The following PCDHGA4 variants were observed in gnomAD, a reference collection of about 807,000 sequenced individuals.
The protein encoded by PCDHGA4 is protocadherin gamma-A4.
Under a neutral mutation model 54.6 loss-of-function variants are expected in PCDHGA4, and 38 were observed. The observed-to-expected ratio is 0.70, with a 90% confidence interval of 0.54 to 0.91. The LOEUF is 0.91. PCDHGA4 is among the 40% of genes least tolerant of loss of function. The pLI, the probability that PCDHGA4 is intolerant of heterozygous loss-of-function variation, is 0.00. For missense variants in PCDHGA4, 1,298 were observed against 1,220.9 expected, an observed-to-expected ratio of 1.06 and a Z score of -0.94; for synonymous variants, 511 against 512.9, an observed-to-expected ratio of 1.00 and a Z score of 0.05.
intron 1 of PCDHGA4, chr5:141,405,044 G>A (rs769617162): frequency 6.2e-7 from 1 of 1,613,938 alleles, no homozygotes; most frequent in Admixed American, 1.7e-5. Context: ...TGTGGCTGTG[G>A]CAGTCGTCTC....
At chr5:141,362,157 C>T (rs1762354661) in intron 1 of PCDHGA4, 4 of 1,614,036 alleles carry the variant, frequency 2.5e-6, no homozygotes, top group Non-Finnish European at 3.4e-6. Context: ...TATTGCCAGA[C>T]CTCAGCGACC....
intron 1 of PCDHGA4, among the ~76,000 whole-genome samples, chr5:141,484,369 G>A (rs1218433750): frequency 6.6e-6 from 1 of 152,164 alleles, no homozygotes; most frequent in Non-Finnish European, 1.5e-5. Flanking sequence ...TGTATCACTA[G>A]CAAATGTCTG....
intron 1 of PCDHGA4, among the ~76,000 whole-genome samples, chr5:141,450,047 C>T (rs2098667027): frequency 2.2e-5 from 3 of 136,836 alleles, no homozygotes; most frequent in African/African-American, 8.5e-5. Flanking sequence ...CACTCTTTCG[C>T]CCAGGCTGGA....
At chr5:141,447,197 T>C (rs1249080495) in intron 1 of PCDHGA4, among the ~76,000 whole-genome samples, 7 of 152,188 alleles carry the variant, frequency 4.6e-5, no homozygotes, top group Admixed American at 4.6e-4. Context: ...TGGAGTGCAA[T>C]GGCTTGATCT....
At chr5:141,510,134 C>T (rs1273076437) in intron 3 of PCDHGA4, among the ~76,000 whole-genome samples, 1 of 152,064 alleles carries the variant, frequency 6.6e-6, no homozygotes, top group East Asian at 1.9e-4. Context: ...ATTAGCTGGG[C>T]TAGTGGTGTG....
chr5:141,420,826 C>G (rs1246534925), intron 1 of PCDHGA4, among the ~76,000 whole-genome samples: 1 of 152,216 alleles, frequency 6.6e-6, no homozygotes, highest in Non-Finnish European at 1.5e-5. Flanking sequence ...AATAATTACT[C>G]CTTTCGCAGG....
intron 1 of PCDHGA4, chr5:141,372,605 T>A: frequency 6.2e-7 from 1 of 1,614,050 alleles, no homozygotes; most frequent in Non-Finnish European, 8.5e-7. Context: ...AGACTGTACC[T>A]GGAGTTCTCC....
chr5:141,371,305 T>C lies in PCDHGA4; in HGVS notation c.2514+13684T>C, dbSNP rs772021444. 1.8e-5 allele frequency: 29 copies of C among 1,613,822 alleles called. No individual in the cohort carries two copies. Among genetic ancestry groups the C allele is most frequent in the African/African-American group, 2.7e-5 (2 of 74,920 alleles). ...AGTAAAACGGGGGAACTCACCACTATTGGAGAACTGGACTTTGAAGAGAGA... is the reference window on the plus strand; with the variant it reads ...AGTAAAACGGGGGAACTCACCACTACTGGAGAACTGGACTTTGAAGAGAGA... On this transcript the variant is annotated intron_variant, in intron 1 of 3. Transcript: ENST00000571252.
intron 1 of PCDHGA4, chr5:141,389,425 C>T (rs1464186383): frequency 3.1e-6 from 5 of 1,613,500 alleles, no homozygotes; most frequent in Admixed American, 1.7e-5. Flanking sequence ...GTGGTGTTCG[C>T]GCAGCGCGCC....
At chr5:141,439,996 G>C (rs1156373511) in intron 1 of PCDHGA4, 1 of 153,262 alleles carries the variant, frequency 6.5e-6, no homozygotes, top group African/African-American at 2.4e-5. Flanking sequence ...GTTTGGTGGT[G>C]GGAAACCTTG....
intron 1 of PCDHGA4, chr5:141,375,151 T>A (rs1771184032): frequency 6.2e-7 from 1 of 1,613,844 alleles, no homozygotes; most frequent in African/African-American, 1.3e-5. Context: ...GCAGAACAAT[T>A]GCTGAAAGTG....
chr5:141,365,569 A>G, intron 1 of PCDHGA4: 1 of 1,613,722 alleles, frequency 6.2e-7, no homozygotes, highest in Non-Finnish European at 8.5e-7. Context: ...TGGACAGAGA[A>G]GAGACTTCAG....
At position 141,402,030 on chromosome 5, in the gene PCDHGA4, A is replaced by C. The variant is rs188760101; in HGVS notation, c.2514+44409A>C. On this transcript the variant is annotated intron_variant, in intron 1 of 3. Transcript: ENST00000571252. Reference sequence around the variant, plus strand: ...ATATGCATTTGAATCATTGAAACACAGTCTGTGCATGCATTACATATTCAC... The same window carrying C: ...ATATGCATTTGAATCATTGAAACACCGTCTGTGCATGCATTACATATTCAC... Among the ~76,000 whole-genome samples the C allele has an allele frequency of 1.4e-3, 213 of 152,348 alleles. 1 individual carries two copies. The highest frequency in any genetic ancestry group is 4.8e-3 in the African/African-American group (199 of 41,586).
At position 141,444,152 on chromosome 5, in the gene PCDHGA4, A is replaced by ATTTTTTTTTTT. The variant is rs747671382; in HGVS notation, c.2515-50629_2515-50619dup. 8.9e-5 allele frequency among the ~76,000 whole-genome samples: 3 copies of ATTTTTTTTTTT among 33,898 alleles called. 1 individual carries two copies. Among genetic ancestry groups the ATTTTTTTTTTT allele is most frequent in the African/African-American group, 4.2e-4 (3 of 7,184 alleles). 22.2% of individuals were successfully genotyped at this position (33,898 alleles called of 152,430 possible). On this transcript the variant is annotated intron_variant, in intron 1 of 3. Transcript: ENST00000571252. Reference sequence around the variant, plus strand: ...GATATGTGTCACTTGTGTGTACTGGATTTTTTTTTTTTTTTTTTTTTTTTT... The same window carrying ATTTTTTTTTTT: ...GATATGTGTCACTTGTGTGTACTGGATTTTTTTTTTTTTTTTTTTTTTTTTTTTTTTTTTTT...
chr5:141,425,119 T>G (rs1234720658), intron 1 of PCDHGA4, among the ~76,000 whole-genome samples: 1 of 152,220 alleles, frequency 6.6e-6, no homozygotes, highest in Non-Finnish European at 1.5e-5. Context: ...ACATTTTTCT[T>G]GAAGTCAAGA....
chr5:141,363,872 T>G (rs1338866734), intron 1 of PCDHGA4, among the ~76,000 whole-genome samples: 1 of 152,152 alleles, frequency 6.6e-6, no homozygotes, highest in African/African-American at 2.4e-5. Flanking sequence ...AAGAGGTAAA[T>G]AAAGGACATA....
At position 141,431,513 on chromosome 5, in the gene PCDHGA4, C is replaced by A. The variant is rs1468442248; in HGVS notation, c.2515-63294C>A. ...TCAGCCCGAGTACCGCGCGAGCGTT[C>A]CGGAGAATCTGGCCTTGGGCACGCA... is the stretch of plus-strand genomic sequence containing the variant. On this transcript the variant is annotated intron_variant, in intron 1 of 3. Transcript: ENST00000571252. The surrounding 1 kb of genome is among the most constrained non-coding windows in gnomAD (Gnocchi z 4.8). 1 of 1,614,022 alleles carries A rather than the reference C, an allele frequency of 6.2e-7. No individual in the cohort carries two copies. The highest frequency in any genetic ancestry group is 1.7e-5 in the Admixed American group (1 of 60,032).
intron 2 of PCDHGA4, among the ~76,000 whole-genome samples, chr5:141,496,419 C>T (rs1292183963): frequency 6.6e-6 from 1 of 152,174 alleles, no homozygotes; most frequent in Non-Finnish European, 1.5e-5. Flanking sequence ...TACTTGCTGT[C>T]CACATTTGCC....
chr5:141,403,302 A>G (rs1195717654), intron 1 of PCDHGA4: 1 of 1,613,904 alleles, frequency 6.2e-7, no homozygotes, highest in East Asian at 2.2e-5. Flanking sequence ...GTGAAACTGT[A>G]CGGAATAGAA....
Sources: allele counts gnomAD v4.1 joint callset (sites outside exome capture counted in the v4.1 genomes callset), GRCh38; gene constraint gnomAD v4.1.1; non-coding constraint Gnocchi (gnomAD v3.1); transcripts MANE v1.5; gene names NCBI Gene and HGNC (gene_info 2026-07-23, HGNC 2026-07-21).